Variants in SERPINE3 observed in about 807,000 individuals in gnomAD.
SERPINE3 encodes the protein serpin family E member 3, also known as serpin E3.
In SERPINE3, 43 loss-of-function variants were observed where a neutral mutation model predicts 41.7. The ratio of observed to expected loss-of-function variants is 1.03; its 90% CI spans 0.81 to 1.33. The LOEUF is 1.33. Among genes scored for constraint, SERPINE3 ranks in the 40% most tolerant of loss-of-function variants. The pLI is 0.00. For synonymous variants in SERPINE3, 200 were observed against 192.2 expected (o/e 1.04, Z -0.34); for missense variants, 440 against 491.7 (o/e 0.89, Z 0.99).
At chr13:51,350,819 CTCTGA>C (rs1451092289) in intron 6 of SERPINE3, among the ~76,000 whole-genome samples, 1 of 152,140 alleles carries the variant, frequency 6.6e-6, no homozygotes, top group Non-Finnish European at 1.5e-5. Context: ...TCCCAGCAAC[CTCTGA>C]TCTATTTGCT....
At chr13:51,344,637 G>A (rs1955328278) in intron 4 of SERPINE3, among the ~76,000 whole-genome samples, 152 bp downstream of exon 4, 2 of 152,106 alleles carry the variant, frequency 1.3e-5, no homozygotes, top group South Asian at 4.1e-4. Context: ...TGAATGACAA[G>A]GGGACACTAA....
At chr13:51,360,211 A>C (rs567615824) in intron 7 of SERPINE3, among the ~76,000 whole-genome samples, 1 of 152,216 alleles carries the variant, frequency 6.6e-6, no homozygotes, top group African/African-American at 2.4e-5. Context: ...TCCCTCACAC[A>C]ATATGTGTTC....
rs564326044 is a variant in SERPINE3 at position 51,345,436 on chromosome 13, T to C, written c.490+951T>C. On this transcript the variant is annotated intron_variant, in intron 4 of 9. Transcript: ENST00000681248. Reference sequence around the variant, plus strand: ...GGTGAAACCCCGTCTCTACTAAAAATACAAAAAATTAGCCAGGCATGGTGG... The same window carrying C: ...GGTGAAACCCCGTCTCTACTAAAAACACAAAAAATTAGCCAGGCATGGTGG... Among the ~76,000 whole-genome samples, 398 of 151,748 alleles carry C rather than the reference T, an allele frequency of 2.6e-3. 1 individual carries two copies. The highest frequency in any genetic ancestry group is 4.5e-3 in the Non-Finnish European group (307 of 67,872).
intron 7 of SERPINE3, among the ~76,000 whole-genome samples, chr13:51,360,256 T>C (rs576221384): frequency 1.2e-4 from 19 of 152,142 alleles, no homozygotes; most frequent in Admixed American, 1.2e-3. Context: ...ATGCCACAGA[T>C]ACCTCCCAGT....
Position 51,347,137 on chromosome 13 carries a change from A to G in SERPINE3, c.603A>G (p.Arg201=). The G allele has an allele frequency of 1.2e-6, 2 of 1,613,714 alleles. No homozygotes were observed. The highest frequency in any genetic ancestry group is 1.7e-6 in the Non-Finnish European group (2 of 1,179,804). ...CCTTCCAAGGCACTTGGCGAAAGAG[A>G]TTCTCCTCCACAGACACACAGATCC... ...TMSFQGTWRK[R]FSSTDTQILP... The change falls in exon 5 of 10, where the codon AGA becomes AGG. Residue 201 remains arginine, a synonymous_variant. Coordinates refer to ENST00000681248, the MANE Select transcript of SERPINE3 (RefSeq NM_001386375.1).
intron 5 of SERPINE3, 123 bp downstream of exon 5, chr13:51,347,357 G>A: frequency 2.5e-6 from 2 of 815,664 alleles, no homozygotes; most frequent in Non-Finnish European, 4.0e-6. Context: ...TCCATCTGCT[G>A]GACTGGGCAT....
chr13:51,345,948 G>A (rs1276514576), intron 4 of SERPINE3, among the ~76,000 whole-genome samples: 1 of 152,150 alleles, frequency 6.6e-6, no homozygotes, highest in African/African-American at 2.4e-5. Flanking sequence ...GAGCTGCTAG[G>A]GTTCTATTTC....
intron 4 of SERPINE3, among the ~76,000 whole-genome samples, chr13:51,345,438 C>T (rs900832102): frequency 6.6e-6 from 1 of 151,694 alleles, no homozygotes; most frequent in Non-Finnish European, 1.5e-5. Context: ...ACTAAAAATA[C>T]AAAAAATTAG....
At chr13:51,354,591 GA>G (rs11318595) in intron 6 of SERPINE3, among the ~76,000 whole-genome samples, 23,256 of 129,904 alleles carry the variant, frequency 0.18, 1,787 homozygotes, top group South Asian at 0.26. Context: ...CCCCATCTCA[GA>G]AAAAAAAAAA....
chr13:51,361,215 G>C, intron 7 of SERPINE3, 63 bp from the exon 8 acceptor site: 1 of 1,048,706 alleles, frequency 9.5e-7, no homozygotes. Context: ...TAAAGAATGT[G>C]TTCTAAATGT....
intron 7 of SERPINE3, among the ~76,000 whole-genome samples, chr13:51,359,427 T>TA (rs1955528422): frequency 6.6e-6 from 1 of 152,152 alleles, no homozygotes; most frequent in Admixed American, 6.6e-5. Context: ...TGACATAGGC[T>TA]ATGGACCTTG....
In SERPINE3 at chr13:51,348,286, G is replaced by A. The variant is rs374234718; in HGVS notation, c.774G>A (p.Leu258=). Residue 258 remains leucine (L), a synonymous_variant, in exon 6 of 10, where the codon CTG becomes CTA. Coordinates refer to ENST00000681248, the MANE Select transcript of SERPINE3 (RefSeq NM_001386375.1). ...ELPYLGSAVS[L]FLVLPRDKDT... is the part of the protein sequence containing the mutation. The stretch of plus-strand genomic sequence containing the variant: ...CTTACCTGGGAAGTGCAGTGAGTCT[G>A]TTCCTGGTGCTGCCCCGTGACAAAG... The A allele has an allele frequency of 1.9e-5, 30 of 1,611,684 alleles. No individual in the cohort carries two copies. The African/African-American group carries it at 2.8e-4, about 15-fold the overall frequency.
At chr13:51,356,024 G>A (rs1313023627) in intron 7 of SERPINE3, among the ~76,000 whole-genome samples, 5 of 152,140 alleles carry the variant, frequency 3.3e-5, no homozygotes, top group Non-Finnish European at 7.3e-5. Flanking sequence ...AGGAATCACA[G>A]GAAAATTGAG....
Position 51,361,167 on chromosome 13 carries a change from A to G in SERPINE3, c.1001-111A>G, listed in dbSNP as rs1045431714. On this transcript the variant is annotated intron_variant, in intron 7 of 9. Transcript: ENST00000681248. Reference sequence around the variant, plus strand: ...CCACTCTTTCCCTAGCTACACAGTAAGCAGCATTGGATACTATAAATTTTG... The same window carrying G: ...CCACTCTTTCCCTAGCTACACAGTAGGCAGCATTGGATACTATAAATTTTG... 7 of 682,666 alleles carry G rather than the reference A, an allele frequency of 1.0e-5. No individual in the cohort carries two copies. In the African/African-American group the frequency reaches 1.3e-4, roughly 12 times the overall value. 42.3% of individuals were successfully genotyped at this position (682,666 alleles called of 1,614,324 possible).
At chr13:51,358,966 G>A (rs1955521171) in intron 7 of SERPINE3, among the ~76,000 whole-genome samples, 1 of 152,090 alleles carries the variant, frequency 6.6e-6, no homozygotes, top group Non-Finnish European at 1.5e-5. Context: ...TAATTGTCCT[G>A]TAGAGATTCA....
At chr13:51,346,987 A>C in intron 4 of SERPINE3, 38 bp from the exon 5 acceptor site, 1 of 1,471,476 alleles carries the variant, frequency 6.8e-7, no homozygotes, top group Non-Finnish European at 9.3e-7. Context: ...GTTTCAATGC[A>C]CATTTAACCC....
chr13:51,346,931 T>C, intron 4 of SERPINE3, 94 bp from the exon 5 acceptor site: 2 of 904,226 alleles, frequency 2.2e-6, no homozygotes, highest in Non-Finnish European at 3.5e-6. Context: ...CATTTTCGCA[T>C]TTTAACTCTG....
chr13:51,347,030 G>A lies in SERPINE3; in HGVS notation c.496G>A (p.Gly166Ser). 6.3e-7 allele frequency: 1 copy of A among 1,577,116 alleles called. No individual in the cohort carries two copies. Among genetic ancestry groups the A allele is most frequent in the Non-Finnish European group, 8.6e-7 (1 of 1,160,830 alleles). Reference protein sequence around the residue: ...EGASRETAGGGPSEGPGGWPW... With the variant: ...EGASRETAGGSPSEGPGGWPW... ...CCTTGCTTTCCTGCTTGCAGGTGGG[G>A]GCCCCAGTGAGGGCCCTGGTGGCTG... The change falls in exon 5 of 10, where the codon GGC becomes AGC. Residue 166 changes from glycine to serine, a missense_variant. By Grantham distance (56) the Gly-to-Ser change is moderately conservative. Transcript: ENST00000681248.
At chr13:51,347,261 T>C (rs1480709803) in intron 5 of SERPINE3, 27 bp downstream of exon 5, 1 of 1,601,822 alleles carries the variant, frequency 6.2e-7, no homozygotes, top group East Asian at 2.2e-5. Context: ...CTGGTTTGTC[T>C]AAAGGGAGAG....
Sources: allele counts gnomAD v4.1 joint callset (sites outside exome capture counted in the v4.1 genomes callset), GRCh38; gene constraint gnomAD v4.1.1; transcripts MANE v1.5; gene names NCBI Gene and HGNC (gene_info 2026-07-23, HGNC 2026-07-21).